Variants in PCDH10 observed in about 807,000 individuals in gnomAD.
PCDH10 encodes protocadherin 10.
In PCDH10, 15 loss-of-function variants were observed where a neutral mutation model predicts 74.4. The ratio of observed to expected loss-of-function variants is 0.20; its 90% CI spans 0.13 to 0.31. The LOEUF (loss-of-function observed/expected upper bound fraction) is 0.31. PCDH10 is among the 10% of genes least tolerant of loss of function. The pLI, the probability that PCDH10 is intolerant of heterozygous loss-of-function variation, is 1.00. For synonymous variants in PCDH10, 619 were observed against 589.8 expected (o/e 1.05, Z -0.72); for missense variants, 1,260 against 1,390.2 (o/e 0.91, Z 1.49).
In PCDH10 at chr4:133,150,508, C is replaced by T. The variant is rs1409564260; in HGVS notation, c.368C>T (p.Pro123Leu). ...ATTAATGACAACCCCCCCTCTTTCC[C>T]GGAGCCAGACCTGACGGTGGAAATC... ...LDINDNPPSF[P>L]EPDLTVEISE... Residue 123 changes from proline to leucine, a missense_variant, in exon 1 of 5, where the codon CCG becomes CTG. Physicochemically the swap from Pro to Leu is moderately conservative, Grantham distance 98 (BLOSUM62 -3). This residue lies in a region of PCDH10 where 63 missense variants were observed against 100.7 expected (regional missense o/e 0.63). Transcript: ENST00000264360. 2 of 1,613,756 alleles carry T rather than the reference C, an allele frequency of 1.2e-6. No homozygotes were observed. Among genetic ancestry groups the T allele is most frequent in the African/African-American group, 1.3e-5 (1 of 74,926 alleles).
chr4:133,180,121 C>G (rs1480076134), intron 4 of PCDH10, among the ~76,000 whole-genome samples: 1 of 152,004 alleles, frequency 6.6e-6, no homozygotes, highest in African/African-American at 2.4e-5. Flanking sequence ...ATCACTTTGT[C>G]TTTCACAACT....
rs758285629 is a variant in PCDH10 at position 133,152,248 on chromosome 4, G to T, written c.2108G>T (p.Ser703Ile). ...GGGTCAGGAGAGCACCAGCGCCCCA[G>T]TCGCTCTGGCGGCGGGGAAACCTCG... ...GGGSGEHQRP[S>I]RSGGGETSLD... The change falls in exon 1 of 5, where the codon AGT (serine) becomes ATT (isoleucine). Residue 703 changes from serine to isoleucine, a missense_variant. Physicochemically the swap from Ser to Ile is moderately radical, Grantham distance 142. This residue lies in a region of PCDH10 where 587 missense variants were observed against 616.9 expected (regional missense o/e 0.95). Coordinates refer to ENST00000264360, the MANE Select transcript of PCDH10 (RefSeq NM_032961.3). 6.2e-7 allele frequency: 1 copy of T among 1,611,596 alleles called. No individual in the cohort carries two copies. The highest frequency in any genetic ancestry group is 8.5e-7 in the Non-Finnish European group (1 of 1,178,732).
chr4:133,168,799 ATTAT>A (rs1489784103), intron 4 of PCDH10, among the ~76,000 whole-genome samples: 2 of 151,676 alleles, frequency 1.3e-5, no homozygotes, highest in Non-Finnish European at 3.0e-5. Context: ...TAATGTTGTC[ATTAT>A]TTATTCATTC....
rs1320022157 is a variant in PCDH10 at position 133,151,885 on chromosome 4, A to G, written c.1745A>G (p.Asn582Ser). The G allele has an allele frequency of 1.2e-5, 20 of 1,612,886 alleles. No homozygotes were observed. The highest frequency in any genetic ancestry group is 1.5e-5 in the Non-Finnish European group (18 of 1,179,986). The change falls in exon 1 of 5, where the codon AAC becomes AGC. Residue 582 changes from asparagine (N) to serine (S), a missense_variant. By Grantham distance (46) the Asn-to-Ser change is conservative (BLOSUM62 1). Transcript: ENST00000264360. ...PAIVAPLPGR[N>S]GTPAREVLPR... is the part of the protein sequence containing the mutation. ...ATCGTGGCGCCTCTACCAGGGCGCAACGGGACTCCAGCGCGTGAGGTGCTG... is the reference window on the plus strand; with the variant it reads ...ATCGTGGCGCCTCTACCAGGGCGCAGCGGGACTCCAGCGCGTGAGGTGCTG...
In PCDH10 at chr4:133,151,745, G is replaced by C; in HGVS notation, c.1605G>C (p.Gln535His). ...CCCTGCGCTCCTTCGACTATGAGCAGCTGAAGGACTTCAGTTTTCAGGTGG... is the reference window on the plus strand; with the variant it reads ...CCCTGCGCTCCTTCGACTATGAGCACCTGAAGGACTTCAGTTTTCAGGTGG... The part of the protein sequence containing the change: ...LYALRSFDYE[Q>H]LKDFSFQVEA... Residue 535 changes from glutamine to histidine, a missense_variant, in exon 1 of 5, where the codon CAG becomes CAC. Physicochemically the swap from Gln to His is conservative, Grantham distance 24. Transcript: ENST00000264360. 1 of 1,613,160 alleles carries C rather than the reference G, an allele frequency of 6.2e-7. No individual in the cohort carries two copies. Among genetic ancestry groups the C allele is most frequent in the Non-Finnish European group, 8.5e-7 (1 of 1,180,044 alleles).
intron 4 of PCDH10, among the ~76,000 whole-genome samples, chr4:133,189,901 A>G (rs1421935836): frequency 6.6e-6 from 1 of 152,120 alleles, no homozygotes; most frequent in African/African-American, 2.4e-5. Flanking sequence ...CATCTTTGGT[A>G]TATAAAATGT....
At position 133,171,215 on chromosome 4, in the gene PCDH10, T is replaced by C. The variant is rs967339677; in HGVS notation, c.3103+7933T>C. On this transcript the variant is annotated intron_variant, in intron 4 of 4. Transcript: ENST00000264360. ...TATTACCTGTGTTTGATATTCATCA[T>C]ATATTTTACACAAACTAGAAAATTA... Among the ~76,000 whole-genome samples the C allele has an allele frequency of 2.0e-5, 3 of 152,156 alleles. No homozygotes were observed. In the East Asian group the frequency reaches 5.8e-4, roughly 29 times the overall value.
At chr4:133,152,796 C>G (rs1189014986) in intron 1 of PCDH10, 25 bp downstream of exon 1, 1 of 1,613,636 alleles carries the variant, frequency 6.2e-7, no homozygotes, top group South Asian at 1.1e-5. Flanking sequence ...AAAGGACCAC[C>G]ATCTCTCATC....
At chr4:133,205,084 A>G (rs1376700499) in intron 2 of PCDH10, among the ~76,000 whole-genome samples, 1 of 152,152 alleles carries the variant, frequency 6.6e-6, no homozygotes. Flanking sequence ...GGGCCTGTGC[A>G]TGGTCTCCTT....
chr4:133,151,257 C>G lies in PCDH10; in HGVS notation c.1117C>G (p.Pro373Ala). Residue 373 changes from proline to alanine, a missense_variant, in exon 1 of 5, where the codon CCC becomes GCC. Transcript: ENST00000264360. ...GGAAGCGGTGAGTGAGGGCGCGGCG[C>G]CCGGCACTGTGGTGGCCCTTTTCAG... ...VKEAVSEGAA[P>A]GTVVALFSVT... 22 of 1,614,084 alleles carry G rather than the reference C, an allele frequency of 1.4e-5. No individual in the cohort carries two copies. Among genetic ancestry groups the G allele is most frequent in the Non-Finnish European group, 1.7e-5 (20 of 1,180,022 alleles).
At chr4:133,165,678 A>T (rs75272602) in intron 4 of PCDH10, among the ~76,000 whole-genome samples, 9,139 of 151,740 alleles carry the variant, frequency 0.06, 730 homozygotes, top group African/African-American at 0.19. Context: ...GTACATTTTG[A>T]TGTTAGGAAA....
rs1188380537 is a variant in PCDH10, at chr4:133,163,173, G to T, written c.2994G>T (p.Arg998=). Reference sequence around the variant, plus strand: ...CAGAAGCCCAGCCTGGGGCAGAGCGGTCCTTTTCCACCTTTGGCAAAGAGA... The same window carrying T: ...CAGAAGCCCAGCCTGGGGCAGAGCGTTCCTTTTCCACCTTTGGCAAAGAGA... The part of the protein sequence containing the change: ...ETPEAQPGAE[R]SFSTFGKEKA... The change falls in exon 4 of 5, where the codon CGG becomes CGT. Residue 998 remains arginine, a synonymous_variant. Coordinates refer to ENST00000264360, the MANE Select transcript of PCDH10 (RefSeq NM_032961.3). 1 of 1,614,134 alleles carries T rather than the reference G, an allele frequency of 6.2e-7. No individual in the cohort carries two copies. Among genetic ancestry groups the T allele is most frequent in the Non-Finnish European group, 8.5e-7 (1 of 1,180,010 alleles).
chr4:133,167,371 G>A (rs1051672621), intron 4 of PCDH10, among the ~76,000 whole-genome samples: 9 of 151,458 alleles, frequency 5.9e-5, no homozygotes, highest in Non-Finnish European at 8.9e-5. Context: ...GAACTCAGTA[G>A]TGCAGTAAGA....
chr4:133,150,162 G>T lies in PCDH10; in HGVS notation c.22G>T (p.Ala8Ser). The change falls in exon 1 of 5, where the codon GCC (alanine) becomes TCC (serine). Residue 8 changes from alanine to serine, a missense_variant. Transcript: ENST00000264360. Reference protein sequence around the residue: MIVLLLFALLWMVEGVFS... With the variant: MIVLLLFSLLWMVEGVFS... ...GGAGATGATTGTGCTATTATTGTTT[G>T]CCTTGCTCTGGATGGTGGAAGGAGT... is the stretch of plus-strand genomic sequence containing the variant. The T allele has an allele frequency of 6.4e-7, 1 of 1,564,548 alleles. No homozygotes were observed. The highest frequency in any genetic ancestry group is 1.4e-5 in the African/African-American group (1 of 73,264).
At chr4:133,154,266 A>G (rs771882035) in intron 1 of PCDH10, 41 bp from the exon 2 acceptor site, 4 of 1,303,572 alleles carry the variant, frequency 3.1e-6, no homozygotes. Flanking sequence ...AGTTCAACCC[A>G]TAGCATTCAA....
chr4:133,179,032 T>C (rs1727354660), intron 4 of PCDH10, among the ~76,000 whole-genome samples: 1 of 152,106 alleles, frequency 6.6e-6, no homozygotes, highest in South Asian at 2.1e-4. Context: ...TTTTTTTCCT[T>C]TCACAGTCAT....
chr4:133,152,179 A>C lies in PCDH10; in HGVS notation c.2039A>C (p.Asp680Ala). 6.4e-7 allele frequency: 1 copy of C among 1,571,332 alleles called. No individual in the cohort carries two copies. Among genetic ancestry groups the C allele is most frequent in the Non-Finnish European group, 8.6e-7 (1 of 1,159,164 alleles). ...GCCACCCTGGTGGTTCAGCTGGTGGATGGCGCCGTGGAGCCCCAGGGCGGG... is the reference window on the plus strand; with the variant it reads ...GCCACCCTGGTGGTTCAGCTGGTGGCTGGCGCCGTGGAGCCCCAGGGCGGG... ...STATLVVQLV[D>A]GAVEPQGGGG... is the part of the protein sequence containing the mutation. The change falls in exon 1 of 5, where the codon GAT (aspartate) becomes GCT (alanine). Residue 680 changes from aspartate to alanine, a missense_variant. Transcript: ENST00000264360.
chr4:133,152,045 C>G lies in PCDH10; in HGVS notation c.1905C>G (p.Thr635=). ...EMNLFRMDWR[T]GELRTARRVP... is the part of the protein sequence containing the mutation. ...ACCTCTTTCGCATGGACTGGCGCAC[C>G]GGGGAGCTGCGCACAGCACGCCGAG... Residue 635 remains threonine, a synonymous_variant, in exon 1 of 5, where the codon ACC becomes ACG. Coordinates refer to ENST00000264360, the MANE Select transcript of PCDH10 (RefSeq NM_032961.3). 1.2e-6 allele frequency: 2 copies of G among 1,610,954 alleles called. No individual in the cohort carries two copies. The highest frequency in any genetic ancestry group is 1.7e-6 in the Non-Finnish European group (2 of 1,178,870).
chr4:133,173,287 T>C (rs563670148), intron 4 of PCDH10, among the ~76,000 whole-genome samples: 33 of 151,988 alleles, frequency 2.2e-4, no homozygotes, highest in Non-Finnish European at 4.0e-4. Context: ...ACATAATAAA[T>C]GTTAAGCATT....
Sources: gnomAD v4.1 joint callset for allele counts (sites outside exome capture counted in the v4.1 genomes callset) on GRCh38, gnomAD v4.1.1 for gene constraint, gnomAD v4.1.1 regional missense constraint, MANE v1.5 for transcripts, NCBI Gene and HGNC (gene_info 2026-07-23, HGNC 2026-07-21) for gene names.